The following UBAC1 variants were observed in gnomAD, a reference collection of about 807,000 sequenced individuals.
UBAC1 encodes ubiquitin-associated domain-containing protein 1.
Under a neutral mutation model 45.9 loss-of-function variants are expected in UBAC1, and 27 were observed. The ratio of observed to expected loss-of-function variants is 0.59; its 90% CI spans 0.43 to 0.81. The LOEUF (loss-of-function observed/expected upper bound fraction) is 0.81, where lower values mean the gene tolerates loss of function less well. UBAC1 is among the 30% of genes least tolerant of loss of function. UBAC1 has a pLI of 0.00. For synonymous variants in UBAC1, 227 were observed against 215.5 expected (o/e 1.05, Z -0.47); for missense variants, 529 against 539.2 (o/e 0.98, Z 0.19).
chr9:135,938,395 G>A (rs533158130), intron 8 of UBAC1, 35 bp from the exon 9 acceptor site: 112 of 1,601,328 alleles, frequency 7.0e-5, no homozygotes, highest in East Asian at 4.7e-4. Context: ...CACTGTTAGC[G>A]CCTTCAGTGC....
chr9:135,960,777 G>A (rs928007611), intron 1 of UBAC1, among the ~76,000 whole-genome samples: 1 of 152,120 alleles, frequency 6.6e-6, no homozygotes, highest in Non-Finnish European at 1.5e-5. Flanking sequence ...CGGGGCGAGC[G>A]CTTAGTGACC....
At chr9:135,934,522 T>C (rs888434602) in intron 9 of UBAC1, among the ~76,000 whole-genome samples, 2 of 151,992 alleles carry the variant, frequency 1.3e-5, no homozygotes, top group Non-Finnish European at 2.9e-5. Context: ...TAGCTGGGCG[T>C]GGTGGCAGGC....
In UBAC1 at chr9:135,961,333, C is replaced by T; in HGVS notation, c.-171G>A. 1 of 372,028 alleles carries T rather than the reference C, an allele frequency of 2.7e-6. No individual in the cohort carries two copies. The highest frequency in any genetic ancestry group is 3.7e-6 in the Non-Finnish European group (1 of 268,742). The allele number at this position is 372,028 out of a possible 1,614,324, so 23.0% of individuals were successfully genotyped here. On this transcript the variant is annotated 5_prime_UTR_variant, in exon 1 of 10. Coordinates refer to ENST00000371756, the MANE Select transcript of UBAC1 (RefSeq NM_016172.3). Reference sequence around the variant, plus strand: ...CGTCACTCTCCGCGGCCTCAGCGGTCGCCTCGCTCCCGCCGCCGCAGCAGC... The same window carrying T: ...CGTCACTCTCCGCGGCCTCAGCGGTTGCCTCGCTCCCGCCGCCGCAGCAGC...
intron 1 of UBAC1, among the ~76,000 whole-genome samples, chr9:135,960,529 AG>A (rs1743297951): frequency 3.3e-5 from 5 of 152,146 alleles, no homozygotes; most frequent in Admixed American, 2.6e-4. Context: ...GGGAAGAGGA[AG>A]GAGAAGGGGC....
chr9:135,933,550 G>A (rs1230290682), intron 9 of UBAC1, 35 bp from the exon 10 acceptor site: 21 of 1,522,174 alleles, frequency 1.4e-5, no homozygotes, highest in East Asian at 2.2e-5. Flanking sequence ...GAGTGCCCAC[G>A]CCCCCACTCA....
chr9:135,948,186 T>TG (rs985312148), intron 3 of UBAC1: 11 of 364,822 alleles, frequency 3.0e-5, no homozygotes, highest in Admixed American at 1.8e-4. Flanking sequence ...ACAGGGACCG[T>TG]GGCAGGGCTG....
At chr9:135,934,426 C>T (rs563310081) in intron 9 of UBAC1, among the ~76,000 whole-genome samples, 29 of 152,246 alleles carry the variant, frequency 1.9e-4, no homozygotes, top group African/African-American at 6.7e-4. Flanking sequence ...TTTGGGAGGC[C>T]GAAGCAGGCG....
intron 9 of UBAC1, 74 bp downstream of exon 9, chr9:135,938,148 A>T: frequency 6.4e-7 from 1 of 1,572,560 alleles, no homozygotes; most frequent in African/African-American, 1.3e-5. Context: ...TCGCCTCCGC[A>T]GCACCTATTT....
Position 135,945,073 on chromosome 9 carries a change from G to T in UBAC1, c.831C>A (p.Ile277=). The change falls in exon 7 of 10, where the codon ATC becomes ATA. Residue 277 remains isoleucine (I), a synonymous_variant. Coordinates refer to ENST00000371756, the MANE Select transcript of UBAC1 (RefSeq NM_016172.3). ...DEEARDELTE[I]FKKIRRKREF... ...CCCTTTTCCTCCGGATCTTCTTGAA[G>T]ATTTCCGTCAGCTCATCTCTGGCCT... 6.2e-7 allele frequency: 1 copy of T among 1,613,446 alleles called. No individual in the cohort carries two copies. The highest frequency in any genetic ancestry group is 8.5e-7 in the Non-Finnish European group (1 of 1,179,682).
intron 7 of UBAC1, among the ~76,000 whole-genome samples, chr9:135,944,425 C>G (rs1839301970): frequency 6.6e-6 from 1 of 152,246 alleles, no homozygotes; most frequent in African/African-American, 2.4e-5. Flanking sequence ...GATCTGCCAT[C>G]TGAGCATGTC....
intron 7 of UBAC1, among the ~76,000 whole-genome samples, chr9:135,941,277 G>A (rs1318396780): frequency 6.6e-6 from 1 of 152,120 alleles, no homozygotes; most frequent in Admixed American, 6.6e-5. Context: ...GTGGTGGCGG[G>A]CACCTGTAAT....
At position 135,938,511 on chromosome 9, in the gene UBAC1, G is replaced by C. The variant is rs954313666; in HGVS notation, c.964-151C>G. The stretch of plus-strand genomic sequence containing the variant: ...TCCCTGGAAGGGACTCTACCGTGAA[G>C]ACAAACGCAGTCTGGATTCACTGCC... On this transcript the variant is annotated intron_variant, in intron 8 of 9. Transcript: ENST00000371756. 9 of 1,001,426 alleles carry C rather than the reference G, an allele frequency of 9.0e-6. No homozygotes were observed. In the African/African-American group the frequency reaches 1.5e-4, roughly 16 times the overall value. 62.0% of individuals were successfully genotyped at this position (1,001,426 alleles called of 1,614,324 possible).
At chr9:135,938,096 T>C in intron 9 of UBAC1, 126 bp downstream of exon 9, 1 of 1,424,668 alleles carries the variant, frequency 7.0e-7, no homozygotes, top group Non-Finnish European at 9.5e-7. Flanking sequence ...TGGCAGGACG[T>C]GCTGCCAGCG....
intron 1 of UBAC1, among the ~76,000 whole-genome samples, chr9:135,958,070 G>A (rs1177405764): frequency 5.2e-5 from 6 of 116,360 alleles, no homozygotes; most frequent in African/African-American, 1.0e-4. Context: ...TTTTTGAGAC[G>A]GAGTCTCTCT....
At chr9:135,946,213 C>T in intron 5 of UBAC1, 56 bp downstream of exon 5, 1 of 1,301,512 alleles carries the variant, frequency 7.7e-7, no homozygotes, top group South Asian at 1.2e-5. Context: ...GCTGCAGACG[C>T]TCCCCAAGGC....
At chr9:135,944,296 GC>G (rs1839300291) in intron 7 of UBAC1, among the ~76,000 whole-genome samples, 1 of 152,138 alleles carries the variant, frequency 6.6e-6, no homozygotes, top group South Asian at 2.1e-4. Context: ...GATGTCTACA[GC>G]CTGGCCACAT....
At chr9:135,941,676 T>C (rs4841900) in intron 7 of UBAC1, among the ~76,000 whole-genome samples, 145,640 of 150,922 alleles carry the variant, frequency 0.97, 70,419 homozygotes, top group Non-Finnish European at 1. Flanking sequence ...TGGCAGTCCC[T>C]GCCCTCCCTC....
In UBAC1 at chr9:135,955,421, GA is replaced by G. The variant is rs1454782438; in HGVS notation, c.139-7del. The G allele has an allele frequency of 5.2e-6, 8 of 1,530,410 alleles. No individual in the cohort carries two copies. In the African/African-American group the frequency reaches 7.1e-5, roughly 13 times the overall value. 94.8% of individuals were successfully genotyped at this position (1,530,410 alleles called of 1,614,324 possible). A position where few individuals can be genotyped will look rare whatever the true frequency, so the allele number is the denominator to read the frequency against. ...TCTAAGCTCCCATGAGCACACTGGGGAAAAATAGAAATTTCAAGGTAGAAAA... is the reference window on the plus strand; with the variant it reads ...TCTAAGCTCCCATGAGCACACTGGGGAAAATAGAAATTTCAAGGTAGAAAA... On this transcript the variant is annotated splice_region_variant and splice_polypyrimidine_tract_variant and intron_variant, in intron 1 of 9. Coordinates refer to ENST00000371756, the MANE Select transcript of UBAC1 (RefSeq NM_016172.3).
intron 8 of UBAC1, among the ~76,000 whole-genome samples, chr9:135,939,056 GCC>G (rs945966158): frequency 2.0e-5 from 3 of 152,006 alleles, no homozygotes; most frequent in Non-Finnish European, 1.5e-5. Flanking sequence ...AAACTAATTA[GCC>G]GGGCATAGTG....
Sources: gnomAD v4.1 joint callset for allele counts (sites outside exome capture counted in the v4.1 genomes callset) on GRCh38, gnomAD v4.1.1 for gene constraint, MANE v1.5 for transcripts, NCBI Gene and HGNC (gene_info 2026-07-23, HGNC 2026-07-21) for gene names.